GYPE: variants seen among roughly 807,000 people sequenced by gnomAD.
GYPE encodes glycophorin E (MNS blood group).
GYPE carries 8 observed loss-of-function variants against 11.6 expected under a neutral mutation model. The observed-to-expected ratio is 0.69, with a 90% CI of 0.41 to 1.25. The LOEUF is 1.25. Among genes scored for constraint, GYPE ranks in the 50% most tolerant of loss-of-function variants. The probability of loss-of-function intolerance (pLI) is 0.01; values close to 1 mark genes in which losing one functional copy is unlikely to be tolerated. For synonymous variants in GYPE, 28 were observed against 29.6 expected (o/e 0.94, Z 0.18); for missense variants, 90 against 92.8 (o/e 0.97, Z 0.12).
chr4:143,872,309 A>G (rs1224666257), intron 3 of GYPE, 57 bp from the exon 4 acceptor site: 1 of 152,648 alleles, frequency 6.6e-6, no homozygotes, highest in Non-Finnish European at 1.5e-5. Flanking sequence ...TGATGTTTTG[A>G]AATTTTAATA....
intron 3 of GYPE, 81 bp downstream of exon 3, chr4:143,876,664 GT>G: frequency 1.4e-6 from 1 of 726,516 alleles, no homozygotes; most frequent in South Asian, 1.5e-5. Context: ...TCTCTTTTGA[GT>G]TTAACTGAAC....
intron 1 of GYPE, among the ~76,000 whole-genome samples, chr4:143,883,143 A>G (rs555365010): frequency 9.9e-5 from 15 of 152,146 alleles, no homozygotes; most frequent in Admixed American, 9.2e-4. Context: ...GTAATTTCTC[A>G]TAAGATCTGG....
At chr4:143,904,315 G>A (rs1744979282) in intron 1 of GYPE, among the ~76,000 whole-genome samples, 1 of 151,934 alleles carries the variant, frequency 6.6e-6, no homozygotes, top group African/African-American at 2.4e-5. Context: ...CTTTGTTTCA[G>A]GCATCAGTAA....
Position 143,905,451 on chromosome 4 carries a change from G to C in GYPE, c.37+20C>G. On this transcript the variant is annotated intron_variant, in intron 1 of 3. Transcript: ENST00000358615. ...CTCATACCCAATATAACAGAACCAA[G>C]ATGAAATAAAATCACTTACCTGACA... The C allele has an allele frequency of 6.2e-7, 1 of 1,612,800 alleles. No individual in the cohort carries two copies. The highest frequency in any genetic ancestry group is 1.1e-5 in the South Asian group (1 of 91,036).
intron 1 of GYPE, among the ~76,000 whole-genome samples, chr4:143,881,186 G>A (rs1181779354): frequency 2.7e-4 from 35 of 130,510 alleles, no homozygotes; most frequent in Middle Eastern, 4.2e-3. Flanking sequence ...ACGAGACTCC[G>A]TCTCAAAAAA....
At chr4:143,878,788 A>T in intron 2 of GYPE, 1 of 394,054 alleles carries the variant, frequency 2.5e-6, no homozygotes, top group Admixed American at 3.8e-5. Context: ...ATATTTTGAG[A>T]GTTGTTGGTC....
chr4:143,893,819 G>T (rs1744509710), intron 1 of GYPE, among the ~76,000 whole-genome samples: 1 of 151,972 alleles, frequency 6.6e-6, no homozygotes, highest in African/African-American at 2.4e-5. Context: ...GAGTATCTTT[G>T]TGGCGTTCTC....
At chr4:143,898,460 T>C (rs11100815) in intron 1 of GYPE, among the ~76,000 whole-genome samples, 141,121 of 152,178 alleles carry the variant, frequency 0.93, 66,390 homozygotes, top group East Asian at 1. Flanking sequence ...AGCAAAGACA[T>C]TACAAACAGT....
chr4:143,894,589 G>GT (rs1187236669), intron 1 of GYPE, among the ~76,000 whole-genome samples: 4 of 152,080 alleles, frequency 2.6e-5, no homozygotes, highest in African/African-American at 9.7e-5. Context: ...AGAGGAACTG[G>GT]TACCATTCCT....
At chr4:143,894,750 C>A (rs559362948) in intron 1 of GYPE, among the ~76,000 whole-genome samples, 1 of 152,084 alleles carries the variant, frequency 6.6e-6, no homozygotes, top group African/African-American at 2.4e-5. Context: ...ATGCAAAAAT[C>A]CTCAATAAAA....
At chr4:143,892,732 A>G (rs1251057297) in intron 1 of GYPE, among the ~76,000 whole-genome samples, 16 of 149,164 alleles carry the variant, frequency 1.1e-4, no homozygotes, top group Admixed American at 3.3e-4. Context: ...ACTTCCAACT[A>G]TGTGGTCAGT....
At chr4:143,878,630 T>C (rs1294221217) in intron 2 of GYPE, 1 of 476,404 alleles carries the variant, frequency 2.1e-6, no homozygotes, top group Non-Finnish European at 4.4e-6. Context: ...TTGTCAAATA[T>C]TAACATATCT....
At chr4:143,899,575 A>C (rs1249593852) in intron 1 of GYPE, among the ~76,000 whole-genome samples, 1 of 152,070 alleles carries the variant, frequency 6.6e-6, no homozygotes, top group Non-Finnish European at 1.5e-5. Context: ...CAAAACTTCT[A>C]ACCAAGTAAC....
At chr4:143,896,701 T>G (rs1249019620) in intron 1 of GYPE, among the ~76,000 whole-genome samples, 1 of 152,130 alleles carries the variant, frequency 6.6e-6, no homozygotes, top group Non-Finnish European at 1.5e-5. Context: ...TAAAGACACA[T>G]GCACATGTAT....
rs1743630280 is a variant in GYPE, at chr4:143,871,866, C to T, written c.*396G>A. ...AGTGATTGAGCAGCTGAATTCCATC[C>T]ATTTGGTGGGTAAGGACCTCAGAGT... On this transcript the variant is annotated 3_prime_UTR_variant, in exon 4 of 4. Coordinates refer to ENST00000358615, the MANE Select transcript of GYPE (RefSeq NM_198682.3). The T allele has an allele frequency of 1.3e-5, 2 of 152,140 alleles. No homozygotes were observed. The highest frequency in any genetic ancestry group is 4.8e-5 in the African/African-American group (2 of 41,400). The allele number at this position is 152,140 out of a possible 1,614,324, so 9.4% of individuals were successfully genotyped here.
intron 1 of GYPE, among the ~76,000 whole-genome samples, chr4:143,896,288 A>G (rs1285576288): frequency 6.6e-6 from 1 of 152,158 alleles, no homozygotes; most frequent in Non-Finnish European, 1.5e-5. Flanking sequence ...CAGAATCTAC[A>G]ATGAACTCAA....
chr4:143,875,471 T>C (rs1743759489), intron 3 of GYPE: 5 of 1,551,076 alleles, frequency 3.2e-6, no homozygotes, highest in South Asian at 1.2e-5. Context: ...CAGCTGGTTC[T>C]AGGCAAGATC....
intron 2 of GYPE, 130 bp from the exon 3 acceptor site, chr4:143,876,985 C>G: frequency 1.5e-6 from 1 of 668,962 alleles, no homozygotes; most frequent in Non-Finnish European, 2.8e-6. Context: ...AATATACTAT[C>G]ATGTGTATTT....
At chr4:143,898,172 T>A (rs1744730847) in intron 1 of GYPE, among the ~76,000 whole-genome samples, 1 of 151,840 alleles carries the variant, frequency 6.6e-6, no homozygotes, top group South Asian at 2.1e-4. Flanking sequence ...AGCTCAGGAG[T>A]TGGAGACCAG....
Sources: allele counts gnomAD v4.1 joint callset (sites outside exome capture counted in the v4.1 genomes callset), GRCh38; gene constraint gnomAD v4.1.1; transcripts MANE v1.5; gene names NCBI Gene and HGNC (gene_info 2026-07-23, HGNC 2026-07-21).